COL1A2: variants seen among roughly 807,000 people sequenced by gnomAD.
The protein encoded by COL1A2 is collagen type I alpha 2 chain.
A neutral mutation model predicts 174.3 loss-of-function variants in COL1A2; 49 were observed. That is an observed-to-expected ratio of 0.28 (90% CI 0.22 to 0.36). The LOEUF is 0.36. Ranked by LOEUF, COL1A2 falls within the 10% of genes least tolerant of loss-of-function variation. The pLI is 1.00. For synonymous variants in COL1A2, 655 were observed against 606.6 expected, an observed-to-expected ratio of 1.08 and a Z score of -1.17; for missense variants, 1,438 against 1,822.7, an observed-to-expected ratio of 0.79 and a Z score of 3.84.
At chr7:94,426,641 T>C in intron 46 of COL1A2, 111 bp downstream of exon 46, 1 of 873,480 alleles carries the variant, frequency 1.1e-6, no homozygotes, top group Non-Finnish European at 1.9e-6. Context: ...ATAATATCCA[T>C]TTCCCATTCT....
Position 94,421,973 on chromosome 7 carries a change from G to C in COL1A2, c.2403+21G>C, listed in dbSNP as rs202082357. On this transcript the variant is annotated intron_variant, in intron 39 of 51. Coordinates refer to ENST00000297268, the MANE Select transcript of COL1A2 (RefSeq NM_000089.4). ...CCTCTGTAAGTAAATCACTGTAAAC[G>C]TGTCTTCATTTACTCTAGCCAAAAG... 2.3e-5 allele frequency: 37 copies of C among 1,611,704 alleles called. 1 individual carries two copies. The South Asian group carries it at 3.8e-4, about 17-fold the overall frequency.
rs1554398164 is a variant in COL1A2 at position 94,424,478 on chromosome 7, T to G, written c.2673+35T>G. On this transcript the variant is annotated intron_variant, in intron 41 of 51. Transcript: ENST00000297268. ...TGACAGTATTCTGACTCCATTAACA[T>G]AAGAAAAGATTTTAAAAGCTGCCAC... 11 of 1,580,610 alleles carry G rather than the reference T, an allele frequency of 7.0e-6. No individual in the cohort carries two copies. In the South Asian group the frequency reaches 8.9e-5, roughly 13 times the overall value.
intron 9 of COL1A2, 117 bp from the exon 10 acceptor site, chr7:94,405,082 A>G (rs1009532798): frequency 4.0e-5 from 46 of 1,140,020 alleles, no homozygotes; most frequent in Non-Finnish European, 5.3e-5. Context: ...TTAAATATAT[A>G]TCTGGATCCA....
intron 51 of COL1A2, 29 bp from the exon 52 acceptor site, chr7:94,430,218 T>A: frequency 6.2e-7 from 1 of 1,603,458 alleles, no homozygotes; most frequent in Non-Finnish European, 8.5e-7. Flanking sequence ...AGTGATGCTT[T>A]GTGTATCTAT....
intron 3 of COL1A2, 41 bp from the exon 4 acceptor site, chr7:94,399,008 C>A (rs371864333): frequency 3.1e-5 from 50 of 1,596,596 alleles, no homozygotes; most frequent in Middle Eastern, 3.3e-4. Flanking sequence ...GAAATTACTT[C>A]TTAGGCATTT....
Position 94,415,247 on chromosome 7 carries a change from C to T in COL1A2, c.1741C>T (p.Leu581Phe). Reference protein sequence around the residue: ...GERGLHGEFGLPGPAGPRGER... With the variant: ...GERGLHGEFGFPGPAGPRGER... Reference sequence around the variant, plus strand: ...CTAGGGTCTCCATGGTGAGTTTGGTCTCCCTGGTCCTGCTGGTCCAAGAGT... The same window carrying T: ...CTAGGGTCTCCATGGTGAGTTTGGTTTCCCTGGTCCTGCTGGTCCAAGAGT... Residue 581 changes from leucine (L) to phenylalanine (F), a missense_variant, in exon 30 of 52, where the codon CTC (leucine) becomes TTC (phenylalanine). Leu to Phe is a conservative substitution (Grantham distance 22). This residue lies in a region of COL1A2 where 867 missense variants were observed against 1,213.7 expected (regional missense o/e 0.71). Transcript: ENST00000297268. The T allele has an allele frequency of 6.2e-7, 1 of 1,613,896 alleles. No homozygotes were observed. Among genetic ancestry groups the T allele is most frequent in the Non-Finnish European group, 8.5e-7 (1 of 1,179,806 alleles).
intron 31 of COL1A2, 29 bp downstream of exon 31, chr7:94,416,532 G>A (rs1792045733): frequency 6.0e-6 from 9 of 1,505,604 alleles, no homozygotes; most frequent in Non-Finnish European, 8.2e-6. Context: ...TATATTGCTG[G>A]TTTGGCCCAG....
Position 94,416,492 on chromosome 7 carries a change from G to T in COL1A2, c.1852G>T (p.Asp618Tyr). ...SRGPSGPPGP[D>Y]GNKGEPGVVG... is the part of the protein sequence containing the mutation. The stretch of plus-strand genomic sequence containing the variant: ...AGGTCCTTCTGGACCCCCAGGGCCT[G>T]ATGGAAACAAGGTAAAATCTTATGT... Residue 618 changes from aspartate (D) to tyrosine (Y), a missense_variant, in exon 31 of 52, where the codon GAT becomes TAT. Transcript: ENST00000297268. 6.4e-7 allele frequency: 1 copy of T among 1,569,428 alleles called. No homozygotes were observed. The highest frequency in any genetic ancestry group is 8.6e-7 in the Non-Finnish European group (1 of 1,156,172).
Position 94,425,654 on chromosome 7 carries a change from C to G in COL1A2, c.2826C>G (p.Pro942=). Residue 942 remains proline (P), a synonymous_variant, in exon 43 of 52, where the codon CCC becomes CCG. Transcript: ENST00000297268. The part of the protein sequence containing the change: ...NDGPPGRDGQ[P]GHKGERGYPG... ...GTCCCCCAGGTCGCGATGGTCAACC[C>G]GGACACAAGGTCAGTACACTTTTCA... 1 of 1,614,082 alleles carries G rather than the reference C, an allele frequency of 6.2e-7. No individual in the cohort carries two copies. Among genetic ancestry groups the G allele is most frequent in the East Asian group, 2.2e-5 (1 of 44,876 alleles).
intron 23 of COL1A2, 93 bp from the exon 24 acceptor site, chr7:94,411,975 G>C: frequency 9.7e-7 from 1 of 1,030,702 alleles, no homozygotes; most frequent in Non-Finnish European, 1.5e-6. Context: ...AAAAAGTCGG[G>C]GGAAAAGGTG....
chr7:94,418,037 A>C (rs1792078043), intron 32 of COL1A2, among the ~76,000 whole-genome samples: 1 of 152,194 alleles, frequency 6.6e-6, no homozygotes, highest in African/African-American at 2.4e-5. Context: ...ATTTCACACA[A>C]ACAGATGGTG....
Position 94,404,569 on chromosome 7 carries a change from C to A in COL1A2, c.293C>A (p.Pro98His). The change falls in exon 7 of 52, where the codon CCT becomes CAT. Residue 98 changes from proline (P) to histidine (H), a missense_variant. By Grantham distance (77) the Pro-to-His change is moderately conservative. Transcript: ENST00000297268. ...LGPGPMGLMGPRGPPGAAGAP... is the reference protein window; with the variant it reads ...LGPGPMGLMGHRGPPGAAGAP... ...CTTTCTTTACAGGGCTTAATGGGAC[C>A]TAGAGGCCCACCTGGTGCAGCTGGA... 6.2e-7 allele frequency: 1 copy of A among 1,613,528 alleles called. No individual in the cohort carries two copies. Among genetic ancestry groups the A allele is most frequent in the Non-Finnish European group, 8.5e-7 (1 of 1,179,978 alleles).
At chr7:94,429,098 C>CTTTTTTTT (rs11374490) in intron 50 of COL1A2, 90 bp from the exon 51 acceptor site, 32 of 927,182 alleles carry the variant, frequency 3.5e-5, no homozygotes, top group Middle Eastern at 2.6e-4. Context: ...TTCCTGAGAT[C>CTTTTTTTT]TTTTTTTTTC....
At chr7:94,422,825 T>G (rs1159540095) in intron 39 of COL1A2, 132 bp from the exon 40 acceptor site, 4 of 1,114,712 alleles carry the variant, frequency 3.6e-6, no homozygotes, top group Non-Finnish European at 5.4e-6. Context: ...CTATAAATAT[T>G]TCCCCCAAAT....
In COL1A2 at chr7:94,428,480, G is replaced by T; in HGVS notation, c.3711+3G>T. ...AAACTATCAATGCTGGCAGCCAGGT[G>T]AGGAATCCCACAAACACCTCTCCTT... is the stretch of plus-strand genomic sequence containing the variant. On this transcript the variant is annotated splice_donor_region_variant and intron_variant, in intron 50 of 51. Coordinates refer to ENST00000297268, the MANE Select transcript of COL1A2 (RefSeq NM_000089.4). 1 of 1,612,878 alleles carries T rather than the reference G, an allele frequency of 6.2e-7. No individual in the cohort carries two copies. The highest frequency in any genetic ancestry group is 8.5e-7 in the Non-Finnish European group (1 of 1,179,434).
chr7:94,408,858 TA>T (rs749293212), intron 16 of COL1A2, 35 bp downstream of exon 16: 2 of 1,587,058 alleles, frequency 1.3e-6, no homozygotes, highest in South Asian at 2.2e-5. Flanking sequence ...ACTACTTTGA[TA>T]AACTTTTTAC....
At chr7:94,407,975 G>A in intron 13 of COL1A2, 84 bp downstream of exon 13, 2 of 1,314,942 alleles carry the variant, frequency 1.5e-6, no homozygotes, top group Admixed American at 3.6e-5. Context: ...GCTAATCACT[G>A]TATCCTTCAG....
chr7:94,426,799 A>G (rs978949649), intron 46 of COL1A2: 1 of 627,930 alleles, frequency 1.6e-6, no homozygotes. Context: ...AATTAGAGGA[A>G]TGACTAATAT....
At chr7:94,427,996 G>A in intron 49 of COL1A2, 111 bp downstream of exon 49, 1 of 1,181,146 alleles carries the variant, frequency 8.5e-7, no homozygotes, top group Middle Eastern at 1.9e-4. Context: ...ATTACATTAT[G>A]TGAAATCACA....
Sources: allele counts gnomAD v4.1 joint callset (sites outside exome capture counted in the v4.1 genomes callset), GRCh38; gene constraint gnomAD v4.1.1; regional missense constraint gnomAD v4.1.1; transcripts MANE v1.5; gene names NCBI Gene and HGNC (gene_info 2026-07-23, HGNC 2026-07-21).